Variants in CNGB1 observed in about 807,000 individuals in gnomAD.
The protein encoded by CNGB1 is cyclic nucleotide gated channel subunit beta 1, also known as cyclic nucleotide-gated channel beta-1.
Under a neutral mutation model 151.7 loss-of-function variants are expected in CNGB1, and 126 were observed. The observed-to-expected ratio is 0.83, with a 90% CI of 0.72 to 0.96. The LOEUF is 0.96. CNGB1 is among the 40% of genes least tolerant of loss of function. The pLI is 0.00. For missense variants in CNGB1, 1,698 were observed against 1,627.0 expected (o/e 1.04, Z -0.75); for synonymous variants, 623 against 635.1 (o/e 0.98, Z 0.29).
rs770948821 is a variant in CNGB1, at chr16:57,939,412, C to T, written c.1372+18G>A. On this transcript the variant is annotated intron_variant, in intron 16 of 32. Transcript: ENST00000251102. ...CAGACATTCTTGCGCAACCCATCAC[C>T]ACCACCACCACACCTACCTCCTGAA... is the stretch of plus-strand genomic sequence containing the variant. 19 of 1,613,938 alleles carry T rather than the reference C, an allele frequency of 1.2e-5. 1 individual carries two copies. The South Asian group carries it at 1.9e-4, about 16-fold the overall frequency.
At chr16:57,905,322 T>C (rs537457310) in intron 25 of CNGB1, among the ~76,000 whole-genome samples, 40 of 152,242 alleles carry the variant, frequency 2.6e-4, no homozygotes, top group Middle Eastern at 3.4e-3. Flanking sequence ...TGAGGATGAC[T>C]TTTTCTGACC....
intron 12 of CNGB1, among the ~76,000 whole-genome samples, chr16:57,953,157 CT>C (rs2149383006): frequency 6.6e-6 from 1 of 152,338 alleles, no homozygotes; most frequent in East Asian, 1.9e-4. Flanking sequence ...AGTGGCCTCT[CT>C]GCCCTCAGGG....
chr16:57,931,337 G>A (rs542182526), intron 17 of CNGB1, among the ~76,000 whole-genome samples: 2 of 151,826 alleles, frequency 1.3e-5, no homozygotes, highest in Admixed American at 1.3e-4. Flanking sequence ...GTATTTTTAG[G>A]AAAGACGGGG....
At chr16:57,963,785 A>G (rs774209267) in intron 4 of CNGB1, 1 of 328,698 alleles carries the variant, frequency 3.0e-6, no homozygotes, top group South Asian at 4.2e-5. Flanking sequence ...TTTTGGTCAC[A>G]TTGCCCTGCC....
chr16:57,892,000 G>A (rs1960103423), intron 31 of CNGB1, among the ~76,000 whole-genome samples: 1 of 150,596 alleles, frequency 6.6e-6, no homozygotes, highest in African/African-American at 2.5e-5. Flanking sequence ...TTAGGAACAT[G>A]AGACGGCACT....
At chr16:57,885,486 CTTCT>C (rs1157415280) in intron 32 of CNGB1, among the ~76,000 whole-genome samples, 9 of 145,650 alleles carry the variant, frequency 6.2e-5, no homozygotes, top group East Asian at 4.5e-4. Flanking sequence ...TTCTTTTTGT[CTTCT>C]TTCTTTCTTT....
rs375338200 is a variant in CNGB1, at chr16:57,897,890, T to G, written c.3001A>C (p.Ile1001Leu). 5.0e-6 allele frequency: 8 copies of G among 1,614,074 alleles called. No homozygotes were observed. In the African/African-American group the frequency reaches 1.1e-4, roughly 22 times the overall value. ...KKGEIGREMY[I>L]IQAGQVQVLG... ...ACCTGCACTTGCCCTGCCTGGATGA[T>G]GTACATCTCACGGCCGATCTCCCCC... The change falls in exon 30 of 33, where the codon ATC (isoleucine) becomes CTC (leucine). Residue 1001 changes from isoleucine (I) to leucine (L), a missense_variant. Coordinates refer to ENST00000251102, the MANE Select transcript of CNGB1 (RefSeq NM_001297.5).
At chr16:57,936,515 A>T (rs1961512190) in intron 16 of CNGB1, among the ~76,000 whole-genome samples, 1 of 152,246 alleles carries the variant, frequency 6.6e-6, no homozygotes, top group Non-Finnish European at 1.5e-5. Context: ...ATTGCTGGCC[A>T]GGCACAGTGG....
intron 16 of CNGB1, among the ~76,000 whole-genome samples, chr16:57,938,916 C>A (rs1961584323): frequency 6.6e-6 from 1 of 152,176 alleles, no homozygotes; most frequent in African/African-American, 2.4e-5. Flanking sequence ...CTGGGTACAG[C>A]TGGAGATCAG....
chr16:57,891,385 C>G (rs1285959042), intron 31 of CNGB1, among the ~76,000 whole-genome samples: 3 of 152,130 alleles, frequency 2.0e-5, no homozygotes, highest in Non-Finnish European at 2.9e-5. Context: ...GGTTCACACA[C>G]AGTCCCAGAA....
At chr16:57,950,320 T>A (rs1024613989) in intron 13 of CNGB1, 61 bp downstream of exon 13, 1 of 1,592,582 alleles carries the variant, frequency 6.3e-7, no homozygotes. Context: ...GATAAGGTAC[T>A]GCATGCTTGG....
intron 12 of CNGB1, among the ~76,000 whole-genome samples, chr16:57,953,630 C>G (rs1962016636): frequency 6.6e-6 from 1 of 152,104 alleles, no homozygotes; most frequent in Admixed American, 6.5e-5. Flanking sequence ...TCTGTCAAAG[C>G]CTGAGCCCTA....
chr16:57,896,405 G>A (rs190534988), intron 31 of CNGB1, among the ~76,000 whole-genome samples: 249 of 152,232 alleles, frequency 1.6e-3, no homozygotes, highest in Non-Finnish European at 2.8e-3. Context: ...CAACTGAGGG[G>A]CATTCTGTAA....
At chr16:57,915,969 G>C (rs1473338795) in intron 22 of CNGB1, among the ~76,000 whole-genome samples, 160 bp downstream of exon 22, 1 of 151,836 alleles carries the variant, frequency 6.6e-6, no homozygotes, top group African/African-American at 2.4e-5. Flanking sequence ...GCCTGTGCTG[G>C]TCTCCTGGGG....
intron 31 of CNGB1, 117 bp from the exon 32 acceptor site, chr16:57,888,191 T>A: frequency 9.3e-7 from 1 of 1,070,934 alleles, no homozygotes; most frequent in East Asian, 2.6e-5. Flanking sequence ...TGGCTGGTGA[T>A]TGTAGAGAGT....
At chr16:57,905,520 G>A (rs1960525551) in intron 25 of CNGB1, among the ~76,000 whole-genome samples, 2 of 152,194 alleles carry the variant, frequency 1.3e-5, no homozygotes, top group Non-Finnish European at 2.9e-5. Flanking sequence ...TATGGGGGAG[G>A]GTGTCCTACT....
chr16:57,967,051 T>C lies in CNGB1; in HGVS notation c.159+77A>G, dbSNP rs1029024110. On this transcript the variant is annotated intron_variant, in intron 2 of 32. Coordinates refer to ENST00000251102, the MANE Select transcript of CNGB1 (RefSeq NM_001297.5). Reference sequence around the variant, plus strand: ...AACCTTTTCTGCTGTAGAAAGTCCCTGGAGAGCAGATGGCCCAAACTGGGA... The same window carrying C: ...AACCTTTTCTGCTGTAGAAAGTCCCCGGAGAGCAGATGGCCCAAACTGGGA... The C allele has an allele frequency of 3.1e-6, 5 of 1,604,416 alleles. No individual in the cohort carries two copies. The African/African-American group carries it at 6.7e-5, about 21-fold the overall frequency.
intron 19 of CNGB1, 42 bp from the exon 20 acceptor site, chr16:57,919,296 C>T: frequency 6.2e-7 from 1 of 1,613,642 alleles, no homozygotes; most frequent in Non-Finnish European, 8.5e-7. Context: ...AGCCCTGAGG[C>T]CCAGGTAGAG....
Position 57,897,517 on chromosome 16 carries a change from C to G in CNGB1, c.3122G>C (p.Arg1041Pro), listed in dbSNP as rs192178968. Reference sequence around the variant, plus strand: ...GTGCGCCACCACGTTGGCCGTGCGCCGGTTCCCGCCCCCAACAGCCAGCAA... The same window carrying G: ...GTGCGCCACCACGTTGGCCGTGCGCGGGTTCCCGCCCCCAACAGCCAGCAA... Reference protein sequence around the residue: ...ISLLAVGGGNRRTANVVAHGF... With the variant: ...ISLLAVGGGNPRTANVVAHGF... The change falls in exon 31 of 33, where the codon CGG (arginine) becomes CCG (proline). Residue 1041 changes from arginine to proline, a missense_variant. Transcript: ENST00000251102. 23 of 1,614,022 alleles carry G rather than the reference C, an allele frequency of 1.4e-5. No homozygotes were observed. Among genetic ancestry groups the G allele is most frequent in the Non-Finnish European group, 9.3e-6 (11 of 1,180,046 alleles).
Sources: gnomAD v4.1 joint callset for allele counts (sites outside exome capture counted in the v4.1 genomes callset) on GRCh38, gnomAD v4.1.1 for gene constraint, MANE v1.5 for transcripts, NCBI Gene and HGNC (gene_info 2026-07-23, HGNC 2026-07-21) for gene names.